TUBB: variants seen among roughly 807,000 people sequenced by gnomAD.
The protein encoded by TUBB is tubulin beta chain.
In TUBB, 2 loss-of-function variants were observed where a neutral mutation model predicts 35.1. The ratio of observed to expected loss-of-function variants is 0.06; its 90% confidence interval spans 0.02 to 0.18. TUBB has a LOEUF of 0.18. TUBB is among the 10% of genes least tolerant of loss of function. The pLI is 1.00. For synonymous variants in TUBB, 205 were observed against 223.8 expected, an observed-to-expected ratio of 0.92 and a Z score of 0.75; for missense variants, 50 against 599.4, an observed-to-expected ratio of 0.08 and a Z score of 9.57.
At chr6:30,721,365 CG>C (rs201448170) in intron 1 of TUBB, among the ~76,000 whole-genome samples, 1,898 of 83,284 alleles carry the variant, frequency 0.023, 20 homozygotes, top group Non-Finnish European at 0.031. Flanking sequence ...TACAGTGTAG[CG>C]GGGGAGGGGC....
intron 3 of TUBB, 40 bp downstream of exon 3, chr6:30,723,068 G>A (rs1776403575): frequency 2.0e-6 from 3 of 1,503,798 alleles, no homozygotes; most frequent in Middle Eastern, 1.7e-4. Flanking sequence ...ATATACCATC[G>A]TGTTCAACTT....
intron 3 of TUBB, 70 bp from the exon 4 acceptor site, chr6:30,723,270 G>C: frequency 7.7e-7 from 1 of 1,295,922 alleles, no homozygotes; most frequent in Non-Finnish European, 1.1e-6. Context: ...TATTTGAAAA[G>C]TTGAAAGATG....
At chr6:30,721,513 CG>C (rs1484430467) in intron 1 of TUBB, 1 of 979,200 alleles carries the variant, frequency 1.0e-6, no homozygotes, top group African/African-American at 1.8e-5. Context: ...GCCCCTCGCG[CG>C]CGGAATTTTT....
rs1365909410 is a variant in TUBB at position 30,724,352 on chromosome 6, A to G, written c.1290A>G (p.Ala430=). The change falls in exon 4 of 4, where the codon GCA becomes GCG. Residue 430 remains alanine, a synonymous_variant. Coordinates refer to ENST00000327892, the MANE Select transcript of TUBB (RefSeq NM_178014.4). This position sits in a 1 kb window ranked among gnomAD's most constrained non-coding sequence, Gnocchi z 4.4. The part of the protein sequence containing the change: ...SEYQQYQDAT[A]EEEEDFGEEA... ...ATCAGCAGTACCAGGATGCCACCGC[A>G]GAAGAGGAGGAGGATTTCGGTGAGG... 6 of 1,612,594 alleles carry G rather than the reference A, an allele frequency of 3.7e-6. No homozygotes were observed. The East Asian group carries it at 1.3e-4, about 36-fold the overall frequency.
intron 1 of TUBB, chr6:30,721,969 C>T (rs556966090): frequency 3.5e-6 from 3 of 867,714 alleles, no homozygotes; most frequent in Non-Finnish European, 4.2e-6. Flanking sequence ...GACCCTCCCC[C>T]ATGCCACGTT....
chr6:30,721,607 G>T (rs1037884532), intron 1 of TUBB: 8 of 985,302 alleles, frequency 8.1e-6, no homozygotes, highest in South Asian at 4.7e-5. Context: ...GGGCGGGGGG[G>T]GTGGTCGACT....
intron 1 of TUBB, chr6:30,721,657 C>T (rs1344957465): frequency 3.0e-6 from 3 of 985,286 alleles, no homozygotes; most frequent in Non-Finnish European, 3.6e-6. Flanking sequence ...GCCTTTTGTG[C>T]GCCGCGCGGT....
chr6:30,722,764 T>C (rs1776374710), intron 2 of TUBB, 119 bp downstream of exon 2: 1 of 1,149,642 alleles, frequency 8.7e-7, no homozygotes, highest in South Asian at 1.4e-5. Flanking sequence ...TTTGTCCCTT[T>C]CGTGAACCAC....
At position 30,724,879 on chromosome 6, in the gene TUBB, A is replaced by T. The variant is rs2127751436; in HGVS notation, c.*482A>T. 1 of 159,868 alleles carries T rather than the reference A, an allele frequency of 6.3e-6. No homozygotes were observed. The highest frequency in any genetic ancestry group is 2.4e-5 in the African/African-American group (1 of 41,684). 9.9% of individuals were successfully genotyped at this position (159,868 alleles called of 1,614,324 possible). A position where few individuals can be genotyped will look rare whatever the true frequency, so the allele number is the denominator to read the frequency against. On this transcript the variant is annotated 3_prime_UTR_variant, in exon 4 of 4. Transcript: ENST00000327892. The surrounding 1 kb of genome is among the most constrained non-coding windows in gnomAD (Gnocchi z 4.4). ...TTGGAGAGGGAAATCCAGGCTATTA[A>T]AGTCACTAAATTTCTAAGTATGTCC...
rs1469166324 is a variant in TUBB at position 30,723,018 on chromosome 6, C to T, written c.267C>T (p.Asn89=). The T allele has an allele frequency of 6.2e-7, 1 of 1,610,936 alleles. No homozygotes were observed. Among genetic ancestry groups the T allele is most frequent in the Admixed American group, 1.7e-5 (1 of 59,858 alleles). Residue 89 remains asparagine, a synonymous_variant, in exon 3 of 4, where the codon AAC becomes AAT. Coordinates refer to ENST00000327892, the MANE Select transcript of TUBB (RefSeq NM_178014.4). ...TTGGCCAGATCTTTAGACCAGACAACTTTGTATTTGGTGAGTTATACAGAT... is the reference window on the plus strand; with the variant it reads ...TTGGCCAGATCTTTAGACCAGACAATTTTGTATTTGGTGAGTTATACAGAT... ...GPFGQIFRPD[N]FVFGQSGAGN... is the part of the protein sequence containing the mutation.
chr6:30,723,138 C>G, intron 3 of TUBB, 110 bp downstream of exon 3: 1 of 1,041,760 alleles, frequency 9.6e-7, no homozygotes, highest in Non-Finnish European at 1.4e-6. Context: ...AGTGCTAATA[C>G]AGAAATGTGT....
chr6:30,722,233 C>T, intron 1 of TUBB: 1 of 326,472 alleles, frequency 3.1e-6, no homozygotes, highest in Non-Finnish European at 5.8e-6. Context: ...ATCACGAGGT[C>T]AAGAGATCTA....
rs775329496 is a variant in TUBB, at chr6:30,723,677, G to A, written c.615G>A (p.Glu205=). Residue 205 remains glutamate, a synonymous_variant, in exon 4 of 4, where the codon GAG becomes GAA. Coordinates refer to ENST00000327892, the MANE Select transcript of TUBB (RefSeq NM_178014.4). ...ATGAGACCTATTGCATTGACAACGA[G>A]GCCCTCTATGATATCTGCTTCCGCA... The part of the protein sequence containing the change: ...NTDETYCIDN[E]ALYDICFRTL... 3 of 1,614,196 alleles carry A rather than the reference G, an allele frequency of 1.9e-6. No homozygotes were observed. In the East Asian group the frequency reaches 6.7e-5, roughly 36 times the overall value.
At chr6:30,722,711 C>G (rs977705213) in intron 2 of TUBB, 66 bp downstream of exon 2, 16 of 1,405,404 alleles carry the variant, frequency 1.1e-5, no homozygotes, top group Non-Finnish European at 1.6e-5. Flanking sequence ...GGATCTCTTT[C>G]CATTTCTGGG....
rs748537601 is a variant in TUBB, at chr6:30,724,694, C to T, written c.*297C>T. 7.2e-6 allele frequency: 3 copies of T among 417,818 alleles called. No homozygotes were observed. Among genetic ancestry groups the T allele is most frequent in the Non-Finnish European group, 1.3e-5 (3 of 236,678 alleles). The allele number at this position is 417,818 out of a possible 1,614,324, so 25.9% of individuals were successfully genotyped here. ...AGTTAATACTTCCTCTTAAAAATCTCCAAGAAGCTGGGTCTCCAGATCCCA... is the reference window on the plus strand; with the variant it reads ...AGTTAATACTTCCTCTTAAAAATCTTCAAGAAGCTGGGTCTCCAGATCCCA... On this transcript the variant is annotated 3_prime_UTR_variant, in exon 4 of 4. Transcript: ENST00000327892. This position sits in a 1 kb window ranked among gnomAD's most constrained non-coding sequence, Gnocchi z 4.4.
At chr6:30,723,263 T>C in intron 3 of TUBB, 77 bp from the exon 4 acceptor site, 2 of 1,234,024 alleles carry the variant, frequency 1.6e-6, no homozygotes, top group South Asian at 1.5e-5. Flanking sequence ...AGGGAATTAT[T>C]TGAAAAGTTG....
Position 30,720,354 on chromosome 6 carries a change from C to G in TUBB, c.-153C>G. On this transcript the variant is annotated 5_prime_UTR_variant, in exon 1 of 4. Coordinates refer to ENST00000327892, the MANE Select transcript of TUBB (RefSeq NM_178014.4). ...GCGCCCTCCCCTCTCCTTTCTCCCTCTCAGAACCTTCCTGCCGTCGCGTTT... is the reference window on the plus strand; with the variant it reads ...GCGCCCTCCCCTCTCCTTTCTCCCTGTCAGAACCTTCCTGCCGTCGCGTTT... The G allele has an allele frequency of 1.3e-6, 1 of 763,060 alleles. No homozygotes were observed. The highest frequency in any genetic ancestry group is 1.5e-5 in the South Asian group (1 of 67,476). 47.3% of individuals were successfully genotyped at this position (763,060 alleles called of 1,614,324 possible).
Position 30,720,790 on chromosome 6 carries a change from C to A in TUBB, c.57+227C>A, listed in dbSNP as rs146565768. Among the ~76,000 whole-genome samples, 27 of 152,334 alleles carry A rather than the reference C, an allele frequency of 1.8e-4. No individual in the cohort carries two copies. The East Asian group carries it at 4.4e-3, about 25-fold the overall frequency. ...TGGAGAAACTAGTAAAAGGGCTCTT[C>A]GGGTTTGGGGGCGGGAAGACCGAGG... On this transcript the variant is annotated intron_variant, in intron 1 of 3. Transcript: ENST00000327892.
chr6:30,720,471 A>C lies in TUBB; in HGVS notation c.-36A>C. ...AATTACTTATTTTCTTGCCCCATAC[A>C]TACCTTGAGGCGAGCAAAAAAATTA... is the stretch of plus-strand genomic sequence containing the variant. On this transcript the variant is annotated 5_prime_UTR_variant, in exon 1 of 4. Transcript: ENST00000327892. 1 of 1,611,650 alleles carries C rather than the reference A, an allele frequency of 6.2e-7. No homozygotes were observed. The highest frequency in any genetic ancestry group is 1.3e-5 in the African/African-American group (1 of 74,980).
Sources: allele counts gnomAD v4.1 joint callset (sites outside exome capture counted in the v4.1 genomes callset), GRCh38; gene constraint gnomAD v4.1.1; non-coding constraint Gnocchi (gnomAD v3.1); transcripts MANE v1.5; gene names NCBI Gene and HGNC (gene_info 2026-07-23, HGNC 2026-07-21).